The following APBA1 variants were observed in gnomAD, a reference collection of about 807,000 sequenced individuals.
APBA1 encodes the protein amyloid-beta A4 precursor protein-binding family A member 1.
Under a neutral mutation model 86.6 loss-of-function variants are expected in APBA1, and 55 were observed. The ratio of observed to expected loss-of-function variants is 0.64; its 90% CI spans 0.51 to 0.80. APBA1 has a LOEUF of 0.80. Ranked by LOEUF, APBA1 falls within the 30% of genes least tolerant of loss-of-function variation. The pLI is 0.00. For synonymous variants in APBA1, 511 were observed against 493.9 expected, an observed-to-expected ratio of 1.03 and a Z score of -0.46; for missense variants, 1,090 against 1,183.0, an observed-to-expected ratio of 0.92 and a Z score of 1.15.
chr9:69,565,150 T>C (rs1214049114), intron 1 of APBA1, among the ~76,000 whole-genome samples: 2 of 151,954 alleles, frequency 1.3e-5, no homozygotes, highest in Non-Finnish European at 2.9e-5. Context: ...ATTATTCACC[T>C]GCAAAAACCT....
chr9:69,577,447 A>G (rs933209328), intron 1 of APBA1, among the ~76,000 whole-genome samples: 1 of 152,188 alleles, frequency 6.6e-6, no homozygotes, highest in Non-Finnish European at 1.5e-5. Context: ...GACCCACTCC[A>G]GTACACCAGC....
chr9:69,549,643 A>G (rs1051623918), intron 1 of APBA1, among the ~76,000 whole-genome samples: 2 of 152,222 alleles, frequency 1.3e-5, no homozygotes, highest in African/African-American at 2.4e-5. Flanking sequence ...CTGCACAGTG[A>G]AGAACCTTTT....
At chr9:69,468,105 T>C in intron 4 of APBA1, 137 bp from the exon 5 acceptor site, 1 of 993,668 alleles carries the variant, frequency 1.0e-6, no homozygotes, top group Non-Finnish European at 1.5e-6. Context: ...CTGAGGCATC[T>C]CTCTGTGTCT....
chr9:69,572,839 C>T (rs903828844), intron 1 of APBA1, among the ~76,000 whole-genome samples: 18 of 152,152 alleles, frequency 1.2e-4, no homozygotes, highest in African/African-American at 4.1e-4. Flanking sequence ...TGGCTTTTTG[C>T]CATGTTACTC....
At chr9:69,609,667 G>A (rs1255025273) in intron 1 of APBA1, among the ~76,000 whole-genome samples, 1 of 152,158 alleles carries the variant, frequency 6.6e-6, no homozygotes, top group African/African-American at 2.4e-5. Flanking sequence ...TCAGACAAAT[G>A]TGCAGCCCCT....
chr9:69,563,531 G>C (rs980504070), intron 1 of APBA1, among the ~76,000 whole-genome samples: 4 of 152,152 alleles, frequency 2.6e-5, no homozygotes, highest in Non-Finnish European at 5.9e-5. Context: ...GGGTTGCATG[G>C]CTACCAAATC....
chr9:69,440,974 G>GAAAAACAT (rs773803251), intron 11 of APBA1, 22 bp downstream of exon 11: 1 of 1,610,182 alleles, frequency 6.2e-7, no homozygotes, highest in South Asian at 1.1e-5. Context: ...GTGGAAAAGG[G>GAAAAACAT]TGTGGAAGGT....
chr9:69,620,253 T>C (rs1276408782), intron 1 of APBA1, among the ~76,000 whole-genome samples: 3 of 152,174 alleles, frequency 2.0e-5, no homozygotes, highest in Admixed American at 6.5e-5. Context: ...AGCCGCATTT[T>C]CCCCCTGCAA....
intron 5 of APBA1, among the ~76,000 whole-genome samples, chr9:69,459,290 A>G (rs1835152784): frequency 6.6e-6 from 1 of 152,244 alleles, no homozygotes; most frequent in South Asian, 2.1e-4. Flanking sequence ...GTGTTCAATC[A>G]ATGACAATTA....
rs1052153750 is a variant in APBA1 at position 69,440,863 on chromosome 9, T to C, written c.2301+133A>G. 1.5e-4 allele frequency: 178 copies of C among 1,188,548 alleles called. 1 individual carries two copies. The highest frequency in any genetic ancestry group is 2.1e-4 in the Non-Finnish European group (176 of 842,534). 73.6% of individuals were successfully genotyped at this position (1,188,548 alleles called of 1,614,324 possible). ...GTTGGAAATGCAGAAATTACCCGTC[T>C]TCTGCATCACTCACGCTGGGAGTTG... On this transcript the variant is annotated intron_variant, in intron 11 of 12. Coordinates refer to ENST00000265381, the MANE Select transcript of APBA1 (RefSeq NM_001163.4).
intron 1 of APBA1, among the ~76,000 whole-genome samples, chr9:69,532,529 C>T (rs1269829145): frequency 6.6e-6 from 1 of 152,186 alleles, no homozygotes; most frequent in Non-Finnish European, 1.5e-5. Flanking sequence ...CCAAGCCCGT[C>T]CCCACACTCT....
intron 1 of APBA1, among the ~76,000 whole-genome samples, chr9:69,590,874 A>G (rs745547574): frequency 2.0e-5 from 3 of 152,170 alleles, no homozygotes; most frequent in African/African-American, 7.2e-5. Flanking sequence ...GCATGTTTTA[A>G]TCTTCAGTTC....
At chr9:69,524,498 C>T (rs550406028) in intron 1 of APBA1, among the ~76,000 whole-genome samples, 1 of 152,020 alleles carries the variant, frequency 6.6e-6, no homozygotes, top group African/African-American at 2.4e-5. Flanking sequence ...GGATAAATTC[C>T]TGGAAACACA....
At chr9:69,609,105 C>T (rs965546724) in intron 1 of APBA1, among the ~76,000 whole-genome samples, 4 of 152,128 alleles carry the variant, frequency 2.6e-5, no homozygotes, top group East Asian at 1.9e-4. Context: ...TTCATTAACA[C>T]GATTTTTAAA....
chr9:69,569,284 C>A (rs573607791), intron 1 of APBA1, among the ~76,000 whole-genome samples: 1 of 152,264 alleles, frequency 6.6e-6, no homozygotes, highest in East Asian at 1.9e-4. Context: ...GTGATTTTCA[C>A]GTAAGTGAAA....
intron 1 of APBA1, among the ~76,000 whole-genome samples, chr9:69,579,374 T>C (rs1205031540): frequency 2.0e-5 from 3 of 152,202 alleles, no homozygotes; most frequent in African/African-American, 7.2e-5. Flanking sequence ...CCTCAAGGTA[T>C]TGGCTCTCAT....
intron 1 of APBA1, among the ~76,000 whole-genome samples, chr9:69,545,229 G>A (rs745317458): frequency 2.6e-5 from 4 of 152,150 alleles, no homozygotes; most frequent in Non-Finnish European, 5.9e-5. Context: ...TGTGCTAGCC[G>A]GCAAAGAAAA....
At chr9:69,474,260 C>T (rs927291916) in intron 3 of APBA1, 1 of 152,158 alleles carries the variant, frequency 6.6e-6, no homozygotes, top group African/African-American at 2.4e-5. Flanking sequence ...CTTTCTACTC[C>T]AGCAGTGGCA....
At chr9:69,632,599 G>GT (rs1318447942) in intron 1 of APBA1, among the ~76,000 whole-genome samples, 1 of 152,148 alleles carries the variant, frequency 6.6e-6, no homozygotes, top group Non-Finnish European at 1.5e-5. Flanking sequence ...CTGGTACAAT[G>GT]TAAGCTCTCA....
Sources: gnomAD v4.1 joint callset for allele counts (sites outside exome capture counted in the v4.1 genomes callset) on GRCh38, gnomAD v4.1.1 for gene constraint, MANE v1.5 for transcripts, NCBI Gene and HGNC (gene_info 2026-07-23, HGNC 2026-07-21) for gene names.